The following DOCK3 variants were observed in gnomAD, a reference collection of about 807,000 sequenced individuals.
DOCK3 encodes dedicator of cytokinesis protein 3.
Under a neutral mutation model 265.6 loss-of-function variants are expected in DOCK3, and 60 were observed. That is an observed-to-expected ratio of 0.23 (90% confidence interval 0.18 to 0.28). The LOEUF is 0.28. Ranked by LOEUF, DOCK3 falls within the 10% of genes least tolerant of loss-of-function variation. The probability of loss-of-function intolerance (pLI) is 1.00; values close to 1 mark genes in which losing one functional copy is unlikely to be tolerated. For synonymous variants in DOCK3, 881 were observed against 938.0 expected (o/e 0.94, Z 1.11); for missense variants, 1,981 against 2,594.3 (o/e 0.76, Z 5.14).
intron 9 of DOCK3, among the ~76,000 whole-genome samples, chr3:51,135,609 C>A (rs2084756260): frequency 6.6e-6 from 1 of 152,174 alleles, no homozygotes; most frequent in Non-Finnish European, 1.5e-5. Context: ...AGTAAGCTGC[C>A]AGGTACTACT....
chr3:50,742,121 C>T (rs1394333931), intron 1 of DOCK3, among the ~76,000 whole-genome samples: 2 of 152,118 alleles, frequency 1.3e-5, no homozygotes, highest in African/African-American at 2.4e-5. Flanking sequence ...TTGAACAGAC[C>T]TGCAGCTGAG....
At chr3:51,258,635 A>T (rs2079679729) in intron 22 of DOCK3, among the ~76,000 whole-genome samples, 1 of 151,796 alleles carries the variant, frequency 6.6e-6, no homozygotes, top group Admixed American at 6.6e-5. Context: ...TCCCGAGTAC[A>T]TCCTGGCTTT....
At chr3:50,886,326 ATTG>A (rs2048335341) in intron 3 of DOCK3, among the ~76,000 whole-genome samples, 1 of 151,662 alleles carries the variant, frequency 6.6e-6, no homozygotes, top group South Asian at 2.1e-4. Context: ...TTTACTATCA[ATTG>A]TTTTTTTAAA....
At chr3:51,017,654 T>C (rs1248677003) in intron 5 of DOCK3, among the ~76,000 whole-genome samples, 2 of 151,864 alleles carry the variant, frequency 1.3e-5, no homozygotes, top group Admixed American at 1.3e-4. Context: ...TTTCATGTGT[T>C]TGTATAGTTT....
chr3:50,880,363 A>C (rs565618804), intron 3 of DOCK3, among the ~76,000 whole-genome samples: 2 of 152,318 alleles, frequency 1.3e-5, no homozygotes, highest in African/African-American at 2.4e-5. Flanking sequence ...AGATGAACGA[A>C]ATTGATAGAC....
intron 1 of DOCK3, among the ~76,000 whole-genome samples, chr3:50,729,066 A>G (rs1180712972): frequency 2.2e-5 from 3 of 138,188 alleles, no homozygotes; most frequent in Non-Finnish European, 4.7e-5. Flanking sequence ...CATACCTGTA[A>G]TCCCAGCACT....
At chr3:50,916,626 G>C (rs2050141774) in intron 4 of DOCK3, among the ~76,000 whole-genome samples, 1 of 151,952 alleles carries the variant, frequency 6.6e-6, no homozygotes, top group African/African-American at 2.4e-5. Context: ...GACCATCCTG[G>C]TGAAACCCCG....
chr3:51,349,493 T>C (rs1007202533), intron 39 of DOCK3, among the ~76,000 whole-genome samples: 1 of 152,222 alleles, frequency 6.6e-6, no homozygotes, highest in East Asian at 1.9e-4. Flanking sequence ...TCACCCTTTC[T>C]GCACCCTCAT....
intron 3 of DOCK3, among the ~76,000 whole-genome samples, chr3:50,859,451 C>T (rs1173317961): frequency 2.0e-5 from 3 of 151,846 alleles, no homozygotes; most frequent in Non-Finnish European, 2.9e-5. Context: ...CTCTTGACCT[C>T]GTGATCCACC....
At chr3:51,218,248 A>G (rs1348471422) in intron 14 of DOCK3, among the ~76,000 whole-genome samples, 2 of 152,200 alleles carry the variant, frequency 1.3e-5, no homozygotes, top group African/African-American at 4.8e-5. Context: ...AGCCTGGCCA[A>G]TATGGTGAGA....
chr3:50,699,588 T>C (rs2035900599), intron 1 of DOCK3, among the ~76,000 whole-genome samples: 1 of 151,830 alleles, frequency 6.6e-6, no homozygotes, highest in African/African-American at 2.4e-5. Context: ...GAGTAGCTGG[T>C]ATGGGAATAT....
intron 5 of DOCK3, among the ~76,000 whole-genome samples, chr3:51,028,118 T>C (rs2079896735): frequency 6.6e-6 from 1 of 152,216 alleles, no homozygotes; most frequent in Non-Finnish European, 1.5e-5. Flanking sequence ...CTTGTCGGGC[T>C]AGACTGGTGG....
chr3:50,840,469 CT>C (rs1010528354), intron 2 of DOCK3, among the ~76,000 whole-genome samples: 1 of 152,144 alleles, frequency 6.6e-6, no homozygotes, highest in African/African-American at 2.4e-5. Flanking sequence ...TTGTTGAAAA[CT>C]TTTTTTTCCA....
chr3:50,691,489 A>T (rs1420496935), intron 1 of DOCK3, among the ~76,000 whole-genome samples: 1 of 152,000 alleles, frequency 6.6e-6, no homozygotes, highest in Non-Finnish European at 1.5e-5. Flanking sequence ...GGTTGTTTCT[A>T]CCTTTTAGCT....
At chr3:51,330,696 T>C (rs967013940) in intron 33 of DOCK3, among the ~76,000 whole-genome samples, 1 of 152,202 alleles carries the variant, frequency 6.6e-6, no homozygotes, top group African/African-American at 2.4e-5. Context: ...TTTTCATGTT[T>C]GTGGAATGAG....
At chr3:50,853,150 G>A (rs2046419707) in intron 3 of DOCK3, among the ~76,000 whole-genome samples, 1 of 151,830 alleles carries the variant, frequency 6.6e-6, no homozygotes, top group Admixed American at 6.6e-5. Context: ...CTGTATTTTA[G>A]TACCTATTAA....
At chr3:50,786,584 C>A in intron 2 of DOCK3, 1 of 544,072 alleles carries the variant, frequency 1.8e-6, no homozygotes, top group South Asian at 1.7e-5. Flanking sequence ...CTGAACTGTT[C>A]TTCTCTGCCA....
intron 5 of DOCK3, among the ~76,000 whole-genome samples, chr3:51,010,402 T>C (rs1403057175): frequency 3.9e-5 from 6 of 152,218 alleles, no homozygotes; most frequent in Non-Finnish European, 7.3e-5. Context: ...TGATCTTTGT[T>C]GGTTTAAAGT....
intron 1 of DOCK3, among the ~76,000 whole-genome samples, chr3:50,691,915 G>GTTTT (rs568668591): frequency 3.0e-5 from 4 of 135,268 alleles, no homozygotes; most frequent in Non-Finnish European, 4.8e-5. Flanking sequence ...AATCTAAAAA[G>GTTTT]TTTTTTTTTT....
Sources: gnomAD v4.1 joint callset for allele counts (sites outside exome capture counted in the v4.1 genomes callset) on GRCh38, gnomAD v4.1.1 for gene constraint, MANE v1.5 for transcripts, NCBI Gene and HGNC (gene_info 2026-07-23, HGNC 2026-07-21) for gene names.